The following MIPOL1 variants were observed in gnomAD, a reference collection of about 807,000 sequenced individuals.
MIPOL1 encodes the protein mirror-image polydactyly 1.
MIPOL1 carries 57 observed loss-of-function variants against 60.9 expected under a neutral mutation model. The observed-to-expected ratio is 0.94, with a 90% CI of 0.76 to 1.17. The LOEUF (loss-of-function observed/expected upper bound fraction) is 1.17. MIPOL1 is among the 50% of genes most tolerant of loss of function. The pLI, the probability that MIPOL1 is intolerant of heterozygous loss-of-function variation, is 0.00. For missense variants in MIPOL1, 551 were observed against 511.6 expected (o/e 1.08, Z -0.74); for synonymous variants, 179 against 168.8 (o/e 1.06, Z -0.47).
intron 9 of MIPOL1, 72 bp downstream of exon 9, chr14:37,308,591 G>A (rs2086995134): frequency 1.7e-6 from 2 of 1,162,336 alleles, no homozygotes; most frequent in Non-Finnish European, 1.1e-6. Context: ...ATTAAAAACT[G>A]ACTTTGGCCC....
chr14:37,296,659 A>G (rs2085729160), intron 7 of MIPOL1, among the ~76,000 whole-genome samples: 1 of 152,204 alleles, frequency 6.6e-6, no homozygotes, highest in Non-Finnish European at 1.5e-5. Flanking sequence ...AACTACCATC[A>G]GAAAATACTA....
intron 1 of MIPOL1, among the ~76,000 whole-genome samples, chr14:37,216,248 T>C (rs1449242168): frequency 6.6e-6 from 1 of 152,130 alleles, no homozygotes. Flanking sequence ...ATTTAAAATA[T>C]ATATGCACCC....
chr14:37,471,287 T>C (rs1231087746), intron 11 of MIPOL1, among the ~76,000 whole-genome samples: 1 of 152,190 alleles, frequency 6.6e-6, no homozygotes, highest in Non-Finnish European at 1.5e-5. Context: ...AATATTTTCA[T>C]AATTTAGTGA....
At chr14:37,308,191 A>C in intron 8 of MIPOL1, 102 bp downstream of exon 8, 1 of 1,264,062 alleles carries the variant, frequency 7.9e-7, no homozygotes, top group Non-Finnish European at 1.1e-6. Context: ...GAAAAAGAAG[A>C]ATTGACACAC....
intron 12 of MIPOL1, among the ~76,000 whole-genome samples, chr14:37,539,123 A>C (rs1027259059): frequency 1.9e-4 from 29 of 152,036 alleles, no homozygotes; most frequent in African/African-American, 7.0e-4. Flanking sequence ...AATGGCGTGA[A>C]CCCAGGAGGC....
At chr14:37,219,348 G>A (rs1968350333) in intron 1 of MIPOL1, among the ~76,000 whole-genome samples, 2 of 152,238 alleles carry the variant, frequency 1.3e-5, no homozygotes, top group African/African-American at 2.4e-5. Context: ...TTTGGTCAAG[G>A]CAAGATCCTT....
intron 9 of MIPOL1, among the ~76,000 whole-genome samples, chr14:37,316,171 C>A (rs935257897): frequency 2.0e-5 from 3 of 151,796 alleles, no homozygotes; most frequent in African/African-American, 4.8e-5. Flanking sequence ...GGATTACAGG[C>A]CTGCACCACC....
chr14:37,358,604 T>G (rs2092011179), intron 9 of MIPOL1, among the ~76,000 whole-genome samples: 1 of 152,222 alleles, frequency 6.6e-6, no homozygotes, highest in Non-Finnish European at 1.5e-5. Flanking sequence ...TGAGCATTTT[T>G]TCATGTGTCT....
intron 1 of MIPOL1, among the ~76,000 whole-genome samples, chr14:37,221,730 T>G (rs1233047115): frequency 6.6e-6 from 1 of 152,160 alleles, no homozygotes; most frequent in African/African-American, 2.4e-5. Flanking sequence ...CATGAACTAA[T>G]TACCTTCCAC....
intron 10 of MIPOL1, among the ~76,000 whole-genome samples, chr14:37,375,402 C>G (rs1360428927): frequency 6.6e-6 from 1 of 151,912 alleles, no homozygotes; most frequent in East Asian, 1.9e-4. Flanking sequence ...GAGACGAGGT[C>G]TCAAACTCCT....
chr14:37,340,002 C>T (rs1444932923), intron 9 of MIPOL1, among the ~76,000 whole-genome samples: 1 of 152,086 alleles, frequency 6.6e-6, no homozygotes, highest in East Asian at 1.9e-4. Flanking sequence ...AAATAAAACC[C>T]CTATAAAATA....
chr14:37,429,362 A>G (rs1039119448), intron 11 of MIPOL1, among the ~76,000 whole-genome samples: 27 of 152,184 alleles, frequency 1.8e-4, no homozygotes, highest in Non-Finnish European at 4.0e-4. Flanking sequence ...AGGATTTATT[A>G]TACATATTAT....
chr14:37,299,025 A>G (rs913964696), intron 7 of MIPOL1, among the ~76,000 whole-genome samples: 2 of 152,040 alleles, frequency 1.3e-5, no homozygotes, highest in African/African-American at 2.4e-5. Flanking sequence ...ACTATTCACA[A>G]TAGCAAAGAC....
chr14:37,245,472 C>T (rs1453312028), intron 1 of MIPOL1, among the ~76,000 whole-genome samples: 1 of 152,038 alleles, frequency 6.6e-6, no homozygotes, highest in Non-Finnish European at 1.5e-5. Flanking sequence ...ACATCAAGGG[C>T]AAAGCAAATG....
intron 1 of MIPOL1, among the ~76,000 whole-genome samples, chr14:37,218,924 CA>C (rs150658949): frequency 0.099 from 10,560 of 106,522 alleles, 1,109 homozygotes; most frequent in African/African-American, 0.29. Context: ...GACCCTATTT[CA>C]AAAAAAAAAA....
At chr14:37,253,835 C>T (rs1594753726) in intron 3 of MIPOL1, among the ~76,000 whole-genome samples, 3 of 151,678 alleles carry the variant, frequency 2.0e-5, no homozygotes, top group Admixed American at 6.6e-5. Flanking sequence ...AATCTATTTT[C>T]GTCTGTATTG....
chr14:37,294,489 T>C (rs1044946465), intron 7 of MIPOL1, among the ~76,000 whole-genome samples: 30 of 152,038 alleles, frequency 2.0e-4, no homozygotes, highest in African/African-American at 7.2e-4. Flanking sequence ...AGAGGAAGGC[T>C]TCAGAAGATC....
intron 11 of MIPOL1, among the ~76,000 whole-genome samples, chr14:37,493,128 G>C (rs1173074879): frequency 6.6e-6 from 1 of 152,156 alleles, no homozygotes; most frequent in South Asian, 2.1e-4. Flanking sequence ...AATGATTTCT[G>C]TAAGGACTTG....
chr14:37,361,972 T>C (rs1322923351), intron 9 of MIPOL1, among the ~76,000 whole-genome samples: 2 of 152,142 alleles, frequency 1.3e-5, no homozygotes, highest in African/African-American at 4.8e-5. Flanking sequence ...TTGGTAGATC[T>C]TCCTCCTTCC....
Sources: allele counts gnomAD v4.1 joint callset (sites outside exome capture counted in the v4.1 genomes callset), GRCh38; gene constraint gnomAD v4.1.1; transcripts MANE v1.5; gene names NCBI Gene and HGNC (gene_info 2026-07-23, HGNC 2026-07-21).